DBF4B: variants seen among roughly 807,000 people sequenced by gnomAD.
DBF4B encodes the protein protein DBF4 homolog B.
In DBF4B, 49 loss-of-function variants were observed where a neutral mutation model predicts 53.4. That is an observed-to-expected ratio of 0.92 (90% CI 0.73 to 1.16). The LOEUF (loss-of-function observed/expected upper bound fraction) is 1.16. Ranked by LOEUF, DBF4B falls within the 50% of genes most tolerant of loss-of-function variation. DBF4B has a pLI of 0.00. For synonymous variants in DBF4B, 257 were observed against 288.7 expected (o/e 0.89, Z 1.11); for missense variants, 692 against 775.0 (o/e 0.89, Z 1.27).
At chr17:44,710,180 AG>A (rs1191304375) in intron 2 of DBF4B, among the ~76,000 whole-genome samples, 1 of 152,136 alleles carries the variant, frequency 6.6e-6, no homozygotes, top group East Asian at 1.9e-4. Flanking sequence ...CTCAAAAAAA[AG>A]AAAAAAAAAA....
rs1261958546 is a variant in DBF4B, at chr17:44,731,333, G to C, written c.468+318G>C. 2.9e-5 allele frequency: 9 copies of C among 308,144 alleles called. No homozygotes were observed. In the Middle Eastern group the frequency reaches 2.2e-3, roughly 75 times the overall value. 19.1% of individuals were successfully genotyped at this position (308,144 alleles called of 1,614,324 possible). A position where few individuals can be genotyped will look rare whatever the true frequency, so the allele number is the denominator to read the frequency against. On this transcript the variant is annotated intron_variant, in intron 5 of 13. Coordinates refer to ENST00000315005, the MANE Select transcript of DBF4B (RefSeq NM_145663.3). ...TTCTTTTACAAGTAACTCTAGGCTG[G>C]GTGTGGTGGCTCACGCCTATAATCC...
In DBF4B at chr17:44,752,248, A is replaced by C; in HGVS notation, c.*995A>C. The C allele has an allele frequency of 2.2e-6, 1 of 446,764 alleles. No homozygotes were observed. The highest frequency in any genetic ancestry group is 4.1e-6 in the Non-Finnish European group (1 of 242,806). The allele number at this position is 446,764 out of a possible 1,614,324, so 27.7% of individuals were successfully genotyped here. On this transcript the variant is annotated 3_prime_UTR_variant, in exon 14 of 14. Coordinates refer to ENST00000315005, the MANE Select transcript of DBF4B (RefSeq NM_145663.3). Reference sequence around the variant, plus strand: ...GATTTCAGGACCCTTTCCAATAATAAAATACTGTGACTGCCAGCAAATCTT... The same window carrying C: ...GATTTCAGGACCCTTTCCAATAATACAATACTGTGACTGCCAGCAAATCTT...
chr17:44,720,841 C>T (rs1182613606), intron 2 of DBF4B, among the ~76,000 whole-genome samples: 1 of 151,790 alleles, frequency 6.6e-6, no homozygotes, highest in Non-Finnish European at 1.5e-5. Flanking sequence ...CTCATATCCT[C>T]ACCAACACTT....
intron 2 of DBF4B, among the ~76,000 whole-genome samples, chr17:44,717,583 C>T (rs893306813): frequency 5.9e-5 from 9 of 151,916 alleles, no homozygotes; most frequent in Admixed American, 2.0e-4. Context: ...GTGGCAGGCA[C>T]CTGTAATCCC....
intron 2 of DBF4B, among the ~76,000 whole-genome samples, chr17:44,710,360 C>T (rs1972760131): frequency 6.6e-6 from 1 of 151,966 alleles, no homozygotes; most frequent in African/African-American, 2.4e-5. Flanking sequence ...CAAAAGGAGG[C>T]TTTGTGTGAT....
At chr17:44,744,520 G>A (rs992833431) in intron 10 of DBF4B, among the ~76,000 whole-genome samples, 3 of 152,132 alleles carry the variant, frequency 2.0e-5, no homozygotes, top group African/African-American at 7.2e-5. Context: ...ATTCATGGAT[G>A]CTTAGATTAG....
At chr17:44,732,309 CTT>C (rs1443207624) in intron 6 of DBF4B, 44 bp downstream of exon 6, 1 of 1,601,300 alleles carries the variant, frequency 6.2e-7, no homozygotes, top group Non-Finnish European at 8.5e-7. Flanking sequence ...GAATTGGTGA[CTT>C]TGACCAGGAG....
chr17:44,713,274 C>T (rs1973055376), intron 2 of DBF4B, among the ~76,000 whole-genome samples: 1 of 150,174 alleles, frequency 6.7e-6, no homozygotes, highest in African/African-American at 2.4e-5. Context: ...ATCTCCTGAC[C>T]TCGTGATCCA....
intron 7 of DBF4B, among the ~76,000 whole-genome samples, chr17:44,736,520 C>A (rs1012807380): frequency 9.9e-5 from 15 of 152,200 alleles, no homozygotes; most frequent in Non-Finnish European, 1.9e-4. Context: ...TTGCAGGTGG[C>A]AGAGCTGAAG....
At position 44,749,254 on chromosome 17, in the gene DBF4B, C is replaced by A; in HGVS notation, c.1189+789C>A. 1 of 1,290,630 alleles carries A rather than the reference C, an allele frequency of 7.7e-7. No individual in the cohort carries two copies. The highest frequency in any genetic ancestry group is 1.0e-6 in the Non-Finnish European group (1 of 988,902). The allele number at this position is 1,290,630 out of a possible 1,614,324, so 79.9% of individuals were successfully genotyped here. ...GGTGCCCTGTCTCCCTGTCTCCCAG[C>A]CCTGGTCCCAACCCCAGCCCCAGCC... On this transcript the variant is annotated intron_variant, in intron 13 of 13. Coordinates refer to ENST00000315005, the MANE Select transcript of DBF4B (RefSeq NM_145663.3). This position sits in a 1 kb window ranked among gnomAD's most constrained non-coding sequence, Gnocchi z 4.4.
rs1255841542 is a variant in DBF4B, at chr17:44,720,141, A to G, written c.83-2739A>G. 1.6e-5 allele frequency: 5 copies of G among 315,498 alleles called. No homozygotes were observed. The East Asian group carries it at 3.6e-4, about 23-fold the overall frequency. 19.5% of individuals were successfully genotyped at this position (315,498 alleles called of 1,614,324 possible). On this transcript the variant is annotated intron_variant, in intron 2 of 13. Coordinates refer to ENST00000315005, the MANE Select transcript of DBF4B (RefSeq NM_145663.3). Reference sequence around the variant, plus strand: ...AACCACCCTCGCCTCTGTGGCGCCCAGTGGTGATGATCAGAATCGTCCTGG... The same window carrying G: ...AACCACCCTCGCCTCTGTGGCGCCCGGTGGTGATGATCAGAATCGTCCTGG...
At chr17:44,733,375 T>C (rs1238247588) in intron 6 of DBF4B, among the ~76,000 whole-genome samples, 1 of 152,204 alleles carries the variant, frequency 6.6e-6, no homozygotes, top group Admixed American at 6.5e-5. Context: ...TTGTGCTCCT[T>C]CTTTTTTCAC....
At chr17:44,730,276 C>G (rs1356888665) in intron 4 of DBF4B, among the ~76,000 whole-genome samples, 180 bp downstream of exon 4, 1 of 152,148 alleles carries the variant, frequency 6.6e-6, no homozygotes. Context: ...ACATACTATC[C>G]CCCATGCTAC....
chr17:44,712,123 A>T (rs939481441), intron 2 of DBF4B, among the ~76,000 whole-genome samples: 1 of 151,588 alleles, frequency 6.6e-6, no homozygotes, highest in Non-Finnish European at 1.5e-5. Context: ...AAAAAAGCCA[A>T]AGTTTCTCAC....
At chr17:44,747,061 C>G in intron 10 of DBF4B, 22 bp from the exon 11 acceptor site, 1 of 1,609,900 alleles carries the variant, frequency 6.2e-7, no homozygotes, top group Non-Finnish European at 8.5e-7. Context: ...AACCACTTTG[C>G]CGCACTATGT....
rs1483172675 is a variant in DBF4B, at chr17:44,750,920, T to G, written c.1515T>G (p.Ser505=). The change falls in exon 14 of 14, where the codon TCT becomes TCG. Residue 505 remains serine (S), a synonymous_variant. Transcript: ENST00000315005. ...LFPEARPWLM[S]ARCWVRPFPF... is the part of the protein sequence containing the mutation. ...CTGAAGCCAGACCGTGGCTTATGTC[T>G]GCACGCTGCTGGGTTCGTCCCTTTC... is the stretch of plus-strand genomic sequence containing the variant. 2 of 1,614,118 alleles carry G rather than the reference T, an allele frequency of 1.2e-6. No individual in the cohort carries two copies. The highest frequency in any genetic ancestry group is 2.7e-5 in the African/African-American group (2 of 74,944).
At chr17:44,714,309 C>T (rs1973147722) in intron 2 of DBF4B, among the ~76,000 whole-genome samples, 1 of 151,900 alleles carries the variant, frequency 6.6e-6, no homozygotes, top group Non-Finnish European at 1.5e-5. Flanking sequence ...TACCTGTACC[C>T]CAGAAGCTAT....
chr17:44,729,728 C>CACACACA lies in DBF4B; in HGVS notation c.226-177_226-176insACACACA, dbSNP rs1190920013. Among the ~76,000 whole-genome samples the CACACACA allele has an allele frequency of 7.6e-3, 963 of 126,024 alleles. 15 individuals are homozygous for CACACACA. The highest frequency in any genetic ancestry group is 0.026 in the African/African-American group (904 of 34,970). 82.7% of individuals were successfully genotyped at this position (126,024 alleles called of 152,430 possible). A position where few individuals can be genotyped will look rare whatever the true frequency, so the allele number is the denominator to read the frequency against. On this transcript the variant is annotated intron_variant, in intron 3 of 13. Coordinates refer to ENST00000315005, the MANE Select transcript of DBF4B (RefSeq NM_145663.3). ...CACACACACACACACACACACACAC[C>CACACACA]CCATTAGATTTCAGGATGATGTCTT...
In DBF4B at chr17:44,750,845, A is replaced by G. The variant is rs1404345356; in HGVS notation, c.1440A>G (p.Glu480=). The change falls in exon 14 of 14, where the codon GAA becomes GAG. Residue 480 remains glutamate, a synonymous_variant. Transcript: ENST00000315005. ...AEDMPLHPSQ[E]NSFAPADIPV... ...ACATGCCCCTCCATCCCTCCCAAGA[A>G]AACTCCTTTGCCCCGGCGGACATTC... 1 of 1,614,058 alleles carries G rather than the reference A, an allele frequency of 6.2e-7. No individual in the cohort carries two copies. Among genetic ancestry groups the G allele is most frequent in the Non-Finnish European group, 8.5e-7 (1 of 1,180,002 alleles).
Sources: allele counts gnomAD v4.1 joint callset (sites outside exome capture counted in the v4.1 genomes callset), GRCh38; gene constraint gnomAD v4.1.1; non-coding constraint Gnocchi (gnomAD v3.1); transcripts MANE v1.5; gene names NCBI Gene and HGNC (gene_info 2026-07-23, HGNC 2026-07-21).